Variants in CYRIB observed in about 807,000 individuals in gnomAD.
CYRIB encodes the protein CYFIP-related Rac1 interactor B.
Under a neutral mutation model 44.2 loss-of-function variants are expected in CYRIB, and 8 were observed. The ratio of observed to expected loss-of-function variants is 0.18; its 90% CI spans 0.11 to 0.33. CYRIB has a LOEUF of 0.33. Among genes scored for constraint, CYRIB ranks in the 10% least tolerant of loss-of-function variants. The pLI is 1.00. For missense variants in CYRIB, 185 were observed against 382.8 expected, an observed-to-expected ratio of 0.48 and a Z score of 4.31; for synonymous variants, 131 against 127.2, an observed-to-expected ratio of 1.03 and a Z score of -0.20.
At chr8:129,846,943 T>C (rs928935790) in intron 10 of CYRIB, 69 bp from the exon 13 acceptor site, 3 of 863,228 alleles carry the variant, frequency 3.5e-6, no homozygotes, top group African/African-American at 3.5e-5. Context: ...TTCAAAATAG[T>C]AAAATAAATC....
chr8:129,900,743 G>C (rs562419464), intron 2 of CYRIB, among the ~76,000 whole-genome samples: 6 of 152,218 alleles, frequency 3.9e-5, no homozygotes, highest in African/African-American at 1.4e-4. Flanking sequence ...GCAGTGACAC[G>C]ATCTAAGCTC....
At chr8:129,874,148 T>C (rs1354174855) in intron 3 of CYRIB, among the ~76,000 whole-genome samples, 1 of 151,984 alleles carries the variant, frequency 6.6e-6, no homozygotes, top group Non-Finnish European at 1.5e-5. Context: ...AAAATGGCTT[T>C]ACTATTTAAA....
intron 2 of CYRIB, among the ~76,000 whole-genome samples, chr8:129,889,389 CA>C (rs1198794109): frequency 6.6e-6 from 1 of 152,182 alleles, no homozygotes; most frequent in African/African-American, 2.4e-5. Context: ...TCATGGATCA[CA>C]AAGTAATTCT....
intron 1 of CYRIB, among the ~76,000 whole-genome samples, chr8:129,926,844 C>T (rs904118867): frequency 1.2e-4 from 18 of 152,216 alleles, no homozygotes; most frequent in Non-Finnish European, 8.8e-5. Flanking sequence ...TGGCTCCACA[C>T]TCATTATCAC....
chr8:129,989,839 T>C (rs142657036), intron 1 of CYRIB, among the ~76,000 whole-genome samples: 10,921 of 132,982 alleles, frequency 0.082, 504 homozygotes, highest in South Asian at 0.22. Flanking sequence ...GTTCCCCTTC[T>C]TGTGTCCATG....
At chr8:129,870,040 GA>G (rs2056420259) in intron 4 of CYRIB, among the ~76,000 whole-genome samples, 1 of 152,128 alleles carries the variant, frequency 6.6e-6, no homozygotes, top group African/African-American at 2.4e-5. Context: ...AAAAACAAAG[GA>G]AGGGTGCATA....
chr8:129,995,221 G>A (rs571360409), intron 1 of CYRIB, among the ~76,000 whole-genome samples: 4 of 152,302 alleles, frequency 2.6e-5, no homozygotes, highest in African/African-American at 9.6e-5. Flanking sequence ...GTCCTACAGA[G>A]ACCTACAGAA....
At chr8:129,965,063 T>C (rs569792236) in intron 2 of CYRIB, among the ~76,000 whole-genome samples, 1 of 152,270 alleles carries the variant, frequency 6.6e-6, no homozygotes, top group Non-Finnish European at 1.5e-5. Context: ...GCCTGTTGCT[T>C]GGCAAATGCT....
At chr8:129,972,901 G>C (rs2095766216) in intron 1 of CYRIB, among the ~76,000 whole-genome samples, 1 of 152,194 alleles carries the variant, frequency 6.6e-6, no homozygotes, top group Non-Finnish European at 1.5e-5. Flanking sequence ...CTGGACTACA[G>C]CTCTAGAAAC....
intron 7 of CYRIB, 59 bp downstream of exon 9, chr8:129,854,207 T>C (rs1023709611): frequency 7.2e-6 from 9 of 1,249,722 alleles, no homozygotes; most frequent in East Asian, 4.7e-5. Context: ...AATAATAAAA[T>C]GAACAGGCTG....
At chr8:130,002,940 A>T (rs1332819985) in intron 1 of CYRIB, among the ~76,000 whole-genome samples, 4 of 152,054 alleles carry the variant, frequency 2.6e-5, no homozygotes, top group African/African-American at 4.8e-5. Context: ...TACTAAAAAT[A>T]AAAAAATGAG....
chr8:129,988,254 G>T (rs1449682901), intron 1 of CYRIB, among the ~76,000 whole-genome samples: 1 of 152,134 alleles, frequency 6.6e-6, no homozygotes, highest in African/African-American at 2.4e-5. Flanking sequence ...GGTGTCTTCC[G>T]GCCGGCTCTC....
chr8:130,007,969 G>A (rs1057489742), intron 1 of CYRIB, among the ~76,000 whole-genome samples: 2 of 152,162 alleles, frequency 1.3e-5, no homozygotes, highest in East Asian at 1.9e-4. Flanking sequence ...AGCACTTTAG[G>A]AGGCCGAGGC....
chr8:129,912,427 CAA>C (rs2078495803), intron 1 of CYRIB: 1 of 150,450 alleles, frequency 6.6e-6, no homozygotes. Flanking sequence ...TCTGAAATTA[CAA>C]AGTTTTTTTT....
intron 1 of CYRIB, among the ~76,000 whole-genome samples, chr8:129,988,068 G>A (rs900816294): frequency 6.6e-6 from 1 of 152,184 alleles, no homozygotes; most frequent in Non-Finnish European, 1.5e-5. Flanking sequence ...CTGTTTTAAT[G>A]AGCGCCTGGA....
chr8:129,889,962 T>G (rs571461253), intron 2 of CYRIB, among the ~76,000 whole-genome samples: 2 of 152,012 alleles, frequency 1.3e-5, no homozygotes, highest in Non-Finnish European at 1.5e-5. Context: ...TTAGTAGAGA[T>G]AGGGTTTCAC....
At chr8:129,856,405 T>C (rs1192941333) in intron 5 of CYRIB, among the ~76,000 whole-genome samples, 1 of 152,204 alleles carries the variant, frequency 6.6e-6, no homozygotes, top group African/African-American at 2.4e-5. Flanking sequence ...TGTTTGATAA[T>C]GGAAATACTA....
At chr8:129,927,648 C>A (rs2088691075) in intron 1 of CYRIB, among the ~76,000 whole-genome samples, 1 of 152,094 alleles carries the variant, frequency 6.6e-6, no homozygotes, top group South Asian at 2.1e-4. Flanking sequence ...ACCAAAACAG[C>A]GACTACCTAG....
At chr8:129,957,964 CAAAA>C (rs371857313) in intron 2 of CYRIB, among the ~76,000 whole-genome samples, 1 of 103,760 alleles carries the variant, frequency 9.6e-6, no homozygotes, top group Middle Eastern at 4.2e-3. Flanking sequence ...GACTCCATCT[CAAAA>C]AAAAAAAAAA....
Sources: allele counts gnomAD v4.1 joint callset (sites outside exome capture counted in the v4.1 genomes callset), GRCh38; gene constraint gnomAD v4.1.1; transcripts MANE v1.5; gene names NCBI Gene and HGNC (gene_info 2026-07-23, HGNC 2026-07-21).